The following RSPH1 variants were observed in gnomAD, a reference collection of about 807,000 sequenced individuals.
The protein encoded by RSPH1 is radial spoke head component 1, also known as radial spoke head 1 homolog.
RSPH1 carries 32 observed loss-of-function variants against 44.2 expected under a neutral mutation model. The observed-to-expected ratio is 0.72, with a 90% CI of 0.55 to 0.97. The LOEUF is 0.97. Among genes scored for constraint, RSPH1 ranks in the 50% least tolerant of loss-of-function variants. The probability of loss-of-function intolerance (pLI) is 0.00; values close to 1 mark genes in which losing one functional copy is unlikely to be tolerated. For missense variants in RSPH1, 391 were observed against 398.7 expected (o/e 0.98, Z 0.16); for synonymous variants, 134 against 147.3 (o/e 0.91, Z 0.65).
intron 8 of RSPH1, among the ~76,000 whole-genome samples, chr21:42,473,819 C>T (rs946986619): frequency 1.3e-5 from 2 of 152,146 alleles, no homozygotes; most frequent in African/African-American, 2.4e-5. Context: ...TATTCAGCAC[C>T]GTCCCCGGCC....
intron 3 of RSPH1, among the ~76,000 whole-genome samples, chr21:42,491,759 C>G (rs2054238170): frequency 6.6e-6 from 1 of 152,140 alleles, no homozygotes; most frequent in Admixed American, 6.5e-5. Flanking sequence ...CTTATTTTAT[C>G]TAGGAGCAAA....
chr21:42,472,914 G>C (rs779424507), intron 8 of RSPH1, 44 bp from the exon 9 acceptor site: 82 of 1,417,910 alleles, frequency 5.8e-5, no homozygotes, highest in Non-Finnish European at 7.7e-5. Context: ...TATTTACTTT[G>C]TTCTATTTTT....
At chr21:42,483,621 C>G (rs1322797396) in intron 5 of RSPH1, among the ~76,000 whole-genome samples, 2 of 152,078 alleles carry the variant, frequency 1.3e-5, no homozygotes, top group African/African-American at 4.8e-5. Context: ...CCCCATTTAA[C>G]AGTCATCTCT....
At chr21:42,480,589 G>A (rs567742511) in intron 6 of RSPH1, among the ~76,000 whole-genome samples, 21 of 125,742 alleles carry the variant, frequency 1.7e-4, no homozygotes, top group African/African-American at 3.6e-4. Context: ...GCGTTGAGCC[G>A]AGATCACGCC....
chr21:42,483,825 G>A (rs1443113919), intron 5 of RSPH1, among the ~76,000 whole-genome samples: 2 of 151,944 alleles, frequency 1.3e-5, no homozygotes, highest in African/African-American at 4.8e-5. Context: ...ATCTTCATCT[G>A]TGTGAAGGCA....
chr21:42,486,494 GAGA>G (rs777555966), intron 3 of RSPH1, 33 bp from the exon 4 acceptor site: 10 of 1,450,988 alleles, frequency 6.9e-6, no homozygotes, highest in Non-Finnish European at 9.7e-6. Flanking sequence ...AAGCCCAGGT[GAGA>G]AGAAGGGATC....
intron 3 of RSPH1, among the ~76,000 whole-genome samples, chr21:42,489,275 G>A (rs2146659527): frequency 6.6e-6 from 1 of 152,192 alleles, no homozygotes; most frequent in African/African-American, 2.4e-5. Flanking sequence ...CTGGTTGGTT[G>A]GTTGGTTGGT....
At position 42,474,635 on chromosome 21, in the gene RSPH1, C is replaced by A. The variant is rs1025142053; in HGVS notation, c.877+1263G>T. On this transcript the variant is annotated intron_variant, in intron 8 of 8. Transcript: ENST00000291536. The surrounding 1 kb of genome is among the most constrained non-coding windows in gnomAD (Gnocchi z 5.2). ...TAACAGAATCCTGTGGACTCCCTAC[C>A]TACCAGGGCTCACTCTATCCACCCT... 6.6e-6 allele frequency among the ~76,000 whole-genome samples: 1 copy of A among 152,224 alleles called. No individual in the cohort carries two copies. Among genetic ancestry groups the A allele is most frequent in the Non-Finnish European group, 1.5e-5 (1 of 68,032 alleles).
chr21:42,494,017 T>C (rs926224675), intron 1 of RSPH1, among the ~76,000 whole-genome samples: 10 of 152,338 alleles, frequency 6.6e-5, no homozygotes, highest in Admixed American at 1.3e-4. Context: ...AGTGCTGGAA[T>C]TACAGGTATG....
chr21:42,487,889 A>C (rs2054195828), intron 3 of RSPH1, among the ~76,000 whole-genome samples: 1 of 152,230 alleles, frequency 6.6e-6, no homozygotes, highest in South Asian at 2.1e-4. Context: ...AGCACCTACA[A>C]TGTCCTGGGC....
At chr21:42,493,738 A>G (rs2054259389) in intron 1 of RSPH1, among the ~76,000 whole-genome samples, 1 of 152,138 alleles carries the variant, frequency 6.6e-6, no homozygotes, top group African/African-American at 2.4e-5. Context: ...TGCAATAATT[A>G]TGTATCTATC....
chr21:42,478,450 C>T (rs1359152658), intron 6 of RSPH1, among the ~76,000 whole-genome samples: 1 of 152,188 alleles, frequency 6.6e-6, no homozygotes, highest in Non-Finnish European at 1.5e-5. Context: ...TAGCCCCACC[C>T]CCAGAGTTTC....
In RSPH1 at chr21:42,482,712, C is replaced by A; in HGVS notation, c.502-4G>T. ...CATACTTTCCAGGGCCAACAGGCTACGAGCAAAGAGAAACCATTCTTAAGT... is the reference window on the plus strand; with the variant it reads ...CATACTTTCCAGGGCCAACAGGCTAAGAGCAAAGAGAAACCATTCTTAAGT... On this transcript the variant is annotated splice_region_variant and splice_polypyrimidine_tract_variant and intron_variant, in intron 5 of 8. Coordinates refer to ENST00000291536, the MANE Select transcript of RSPH1 (RefSeq NM_080860.4). 1 of 1,609,866 alleles carries A rather than the reference C, an allele frequency of 6.2e-7. No homozygotes were observed. The highest frequency in any genetic ancestry group is 2.2e-5 in the East Asian group (1 of 44,812).
chr21:42,476,416 TC>T (rs2054051632), intron 7 of RSPH1, among the ~76,000 whole-genome samples: 1 of 152,162 alleles, frequency 6.6e-6, no homozygotes, highest in Admixed American at 6.5e-5. Flanking sequence ...CTGGGGGCTG[TC>T]CCGGAGCTTC....
At position 42,472,872 on chromosome 21, in the gene RSPH1, T is replaced by TCATCCATGTCATAGCG; in HGVS notation, c.878-3_878-2insCGCTATGACATGGATG. 1 of 1,600,068 alleles carries TCATCCATGTCATAGCG rather than the reference T, an allele frequency of 6.2e-7. No individual in the cohort carries two copies. Among genetic ancestry groups the TCATCCATGTCATAGCG allele is most frequent in the African/African-American group, 1.3e-5 (1 of 74,698 alleles). On this transcript the variant is annotated splice_polypyrimidine_tract_variant and splice_region_variant and intron_variant, in intron 8 of 8. Coordinates refer to ENST00000291536, the MANE Select transcript of RSPH1 (RefSeq NM_080860.4). Reference sequence around the variant, plus strand: ...CTTCTTCTTCAGAATTAATGTTTCCTGAAAAGAAAAGAGAAACATGAGTAT... The same window carrying TCATCCATGTCATAGCG: ...CTTCTTCTTCAGAATTAATGTTTCCTCATCCATGTCATAGCGGAAAAGAAAAGAGAAACATGAGTAT...
In RSPH1 at chr21:42,492,818, C is replaced by T. The variant is rs750467480; in HGVS notation, c.214G>A (p.Val72Ile). Residue 72 changes from valine to isoleucine, a missense_variant, in exon 3 of 9, where the codon GTT becomes ATT. Physicochemically the swap from Val to Ile is conservative, Grantham distance 29 (BLOSUM62 3). Coordinates refer to ENST00000291536, the MANE Select transcript of RSPH1 (RefSeq NM_080860.4). ...CCTTGACCGTGCTTTTTATTTCTAA[C>T]ATATTCTCCGATATATCGAGCACCA... ...KNGARYIGEY[V>I]RNKKHGQGTF... The T allele has an allele frequency of 2.5e-6, 4 of 1,613,474 alleles. No individual in the cohort carries two copies. Among genetic ancestry groups the T allele is most frequent in the African/African-American group, 1.3e-5 (1 of 74,916 alleles).
intron 6 of RSPH1, among the ~76,000 whole-genome samples, chr21:42,481,848 T>C (rs73374128): frequency 0.059 from 8,927 of 152,292 alleles, 362 homozygotes; most frequent in East Asian, 0.16. Flanking sequence ...GCTGACTAGC[T>C]TTACTATTAA....
intron 1 of RSPH1, among the ~76,000 whole-genome samples, chr21:42,493,925 AT>A (rs2054261507): frequency 6.6e-6 from 1 of 152,072 alleles, no homozygotes; most frequent in South Asian, 2.1e-4. Flanking sequence ...TAATTTCAAA[AT>A]TTTTTTGTAG....
chr21:42,476,534 A>G (rs1214485259), intron 7 of RSPH1, among the ~76,000 whole-genome samples: 1 of 152,274 alleles, frequency 6.6e-6, no homozygotes, highest in South Asian at 2.1e-4. Flanking sequence ...CACCCGGGGT[A>G]GCCACCTTCA....
Sources: allele counts gnomAD v4.1 joint callset (sites outside exome capture counted in the v4.1 genomes callset), GRCh38; gene constraint gnomAD v4.1.1; non-coding constraint Gnocchi (gnomAD v3.1); transcripts MANE v1.5; gene names NCBI Gene and HGNC (gene_info 2026-07-23, HGNC 2026-07-21).